CYFIP1: variants seen among roughly 807,000 people sequenced by gnomAD.
The protein encoded by CYFIP1 is cytoplasmic FMR1-interacting protein 1.
In CYFIP1, 58 loss-of-function variants were observed where a neutral mutation model predicts 163.5. The observed-to-expected ratio is 0.35, with a 90% CI of 0.29 to 0.44. The LOEUF is 0.44. CYFIP1 is among the 20% of genes least tolerant of loss of function. The pLI is 1.00. For missense variants in CYFIP1, 1,338 were observed against 1,653.8 expected, an observed-to-expected ratio of 0.81 and a Z score of 3.31; for synonymous variants, 663 against 660.7, an observed-to-expected ratio of 1.00 and a Z score of -0.05.
At chr15:22,916,424 G>T in intron 16 of CYFIP1, 53 bp downstream of exon 16, 1 of 1,341,126 alleles carries the variant, frequency 7.5e-7, no homozygotes, top group Non-Finnish European at 1.1e-6. Context: ...TCTAGACGGT[G>T]TTAGTGGTGT....
chr15:22,926,703 G>A (rs1426296711), intron 12 of CYFIP1, among the ~76,000 whole-genome samples: 1 of 152,142 alleles, frequency 6.6e-6, no homozygotes, highest in Non-Finnish European at 1.5e-5. Flanking sequence ...GATGGCTGGA[G>A]CTCCAAAGAG....
At chr15:22,931,056 G>C in intron 11 of CYFIP1, among the ~76,000 whole-genome samples, 1 of 152,214 alleles carries the variant, frequency 6.6e-6, no homozygotes, top group East Asian at 1.9e-4. Context: ...TGGACTACTG[G>C]GTTGTCAGTC....
intron 13 of CYFIP1, among the ~76,000 whole-genome samples, chr15:22,925,063 T>G (rs1358646762): frequency 6.6e-6 from 1 of 152,172 alleles, no homozygotes; most frequent in Non-Finnish European, 1.5e-5. Flanking sequence ...AGTGTTATTT[T>G]TTCTTTCTGA....
In CYFIP1 at chr15:22,928,205, C is replaced by A. The variant is rs140577947; in HGVS notation, c.1111-177G>T. 8.8e-3 allele frequency among the ~76,000 whole-genome samples: 1,338 copies of A among 152,166 alleles called. 44 individuals carry two copies. In the East Asian group the frequency reaches 0.12, roughly 13 times the overall value. On this transcript the variant is annotated intron_variant, in intron 11 of 30. Coordinates refer to ENST00000617928, the MANE Select transcript of CYFIP1 (RefSeq NM_014608.6). ...TCCAGACCATCCTAAAACGGTGAAA[C>A]CCCGTCTCTACTGAAAAATACAAAA... is the stretch of plus-strand genomic sequence containing the variant.
Position 22,939,313 on chromosome 15 carries a change from T to C in CYFIP1, c.674A>G (p.Gln225Arg). 6.2e-7 allele frequency: 1 copy of C among 1,614,148 alleles called. No homozygotes were observed. The highest frequency in any genetic ancestry group is 8.5e-7 in the Non-Finnish European group (1 of 1,180,024). The change falls in exon 8 of 31, where the codon CAG becomes CGG. Residue 225 changes from glutamine (Q) to arginine (R), a missense_variant. By Grantham distance (43) the Gln-to-Arg change is conservative (BLOSUM62 1). Around this residue, in one of 4 missense-constraint regions of CYFIP1, gnomAD observed 824 missense variants for 995.7 expected, o/e 0.83. Transcript: ENST00000617928. ...GCCAGAAATCACTTCGAGCTGCTGC[T>C]GCAGAGACTGAAACACAGAGCAAGA... ...ANHNKITQSLQQQLEVISGYE... is the reference protein window; with the variant it reads ...ANHNKITQSLRQQLEVISGYE...
At chr15:22,953,072 A>G (rs2062314019) in intron 1 of CYFIP1, among the ~76,000 whole-genome samples, 1 of 152,208 alleles carries the variant, frequency 6.6e-6, no homozygotes, top group Non-Finnish European at 1.5e-5. Context: ...GCCCGCTTCC[A>G]AGGGCTCTCC....
chr15:22,966,782 T>G (rs1163981552), intron 1 of CYFIP1, among the ~76,000 whole-genome samples: 1 of 149,426 alleles, frequency 6.7e-6, no homozygotes, highest in African/African-American at 2.5e-5. Context: ...GGGAACCCGC[T>G]TGGCAGCATG....
At position 22,917,349 on chromosome 15, in the gene CYFIP1, G is replaced by C; in HGVS notation, c.1674+439C>G. The stretch of plus-strand genomic sequence containing the variant: ...CGTGAGAAGCACCTCGGGGAGGCCT[G>C]AACACACCAGGAGAGAGGACAGTGG... On this transcript the variant is annotated intron_variant, in intron 15 of 30. Coordinates refer to ENST00000617928, the MANE Select transcript of CYFIP1 (RefSeq NM_014608.6). The surrounding 1 kb of genome is among the most constrained non-coding windows in gnomAD (Gnocchi z 4.2). 3 of 1,254,426 alleles carry C rather than the reference G, an allele frequency of 2.4e-6. No individual in the cohort carries two copies. Among genetic ancestry groups the C allele is most frequent in the Non-Finnish European group, 2.0e-6 (2 of 985,676 alleles). The allele number at this position is 1,254,426 out of a possible 1,614,324, so 77.7% of individuals were successfully genotyped here.
intron 6 of CYFIP1, among the ~76,000 whole-genome samples, chr15:22,940,934 G>A (rs1298127055): frequency 1.3e-5 from 2 of 152,102 alleles, no homozygotes; most frequent in Non-Finnish European, 2.9e-5. Flanking sequence ...CAACTACTCG[G>A]GAGGCTGAGA....
chr15:22,896,284 G>C (rs1460859842), intron 22 of CYFIP1, among the ~76,000 whole-genome samples: 1 of 152,092 alleles, frequency 6.6e-6, no homozygotes, highest in Non-Finnish European at 1.5e-5. Flanking sequence ...ATTTTGACCT[G>C]GTCAGTGCTA....
chr15:22,916,829 G>C lies in CYFIP1; in HGVS notation c.1675-199C>G, dbSNP rs532499747. ...CTTTGGGGAAAGAACAACTTGTAGC[G>C]GAGCAGTTCGCCTCCGTGCCATAAA... On this transcript the variant is annotated intron_variant, in intron 15 of 30. Coordinates refer to ENST00000617928, the MANE Select transcript of CYFIP1 (RefSeq NM_014608.6). 1.9e-6 allele frequency: 3 copies of C among 1,556,318 alleles called. No individual in the cohort carries two copies. The African/African-American group carries it at 4.1e-5, about 21-fold the overall frequency.
At chr15:22,905,301 T>G (rs1382097778) in intron 21 of CYFIP1, 1 of 152,164 alleles carries the variant, frequency 6.6e-6, no homozygotes, top group East Asian at 1.9e-4. Flanking sequence ...TTCTATTTTA[T>G]CAATATTTTC....
intron 10 of CYFIP1, among the ~76,000 whole-genome samples, chr15:22,932,747 T>C (rs759495399): frequency 2.0e-5 from 3 of 152,226 alleles, no homozygotes; most frequent in Non-Finnish European, 4.4e-5. Context: ...AGGATCTTTA[T>C]AGTTCTTCAC....
chr15:22,873,680 C>T lies in CYFIP1; in HGVS notation c.3260G>A (p.Cys1087Tyr), dbSNP rs1465599538. ...EGDLLTKERL[C>Y]CGLSMFEVIL... ...GACCTCAAACATGGACAGGCCGCAG[C>T]AGAGGCGCTCCTTTGTCAGCAGGTC... The change falls in exon 29 of 31, where the codon TGC (cysteine) becomes TAC (tyrosine). Residue 1087 changes from cysteine (C) to tyrosine (Y), a missense_variant. By Grantham distance (194) the Cys-to-Tyr change is radical. Coordinates refer to ENST00000617928, the MANE Select transcript of CYFIP1 (RefSeq NM_014608.6). 1 of 1,614,154 alleles carries T rather than the reference C, an allele frequency of 6.2e-7. No individual in the cohort carries two copies. The highest frequency in any genetic ancestry group is 1.3e-5 in the African/African-American group (1 of 75,078).
At chr15:22,915,254 C>T (rs1435862915) in intron 16 of CYFIP1, among the ~76,000 whole-genome samples, 4 of 152,034 alleles carry the variant, frequency 2.6e-5, no homozygotes, top group African/African-American at 9.7e-5. Context: ...CCTCAGCCTC[C>T]CAAGTAGCTG....
chr15:22,926,178 C>A (rs966830926), intron 12 of CYFIP1, 71 bp from the exon 13 acceptor site: 2 of 1,595,606 alleles, frequency 1.3e-6, no homozygotes. Context: ...CTGACTCACA[C>A]GATGGTGGCC....
chr15:22,962,616 C>G (rs1329945868), intron 1 of CYFIP1, among the ~76,000 whole-genome samples: 1 of 151,726 alleles, frequency 6.6e-6, no homozygotes, highest in Non-Finnish European at 1.5e-5. Context: ...GTTGGTCAAG[C>G]TGGTCTCGAA....
At position 22,910,490 on chromosome 15, in the gene CYFIP1, C is replaced by T. The variant is rs751690636; in HGVS notation, c.2268+30G>A. On this transcript the variant is annotated intron_variant, in intron 20 of 30. Coordinates refer to ENST00000617928, the MANE Select transcript of CYFIP1 (RefSeq NM_014608.6). Reference sequence around the variant, plus strand: ...CCCAGTCTTTTCAATGCACACTCTACGTCCCCACCACAGCCCGGCCCCAGC... The same window carrying T: ...CCCAGTCTTTTCAATGCACACTCTATGTCCCCACCACAGCCCGGCCCCAGC... 3.8e-6 allele frequency: 6 copies of T among 1,571,086 alleles called. No individual in the cohort carries two copies. The Admixed American group carries it at 5.0e-5, about 13-fold the overall frequency.
At chr15:22,878,930 T>C (rs535836702) in intron 26 of CYFIP1, among the ~76,000 whole-genome samples, 1 of 150,908 alleles carries the variant, frequency 6.6e-6, no homozygotes, top group Non-Finnish European at 1.5e-5. Flanking sequence ...AAGTCAGGAG[T>C]TGGAGACCAG....
Sources: gnomAD v4.1 joint callset for allele counts (sites outside exome capture counted in the v4.1 genomes callset) on GRCh38, gnomAD v4.1.1 for gene constraint, gnomAD v4.1.1 regional missense constraint, Gnocchi (gnomAD v3.1) non-coding constraint, MANE v1.5 for transcripts, NCBI Gene and HGNC (gene_info 2026-07-23, HGNC 2026-07-21) for gene names.